Variants in CPNE3 observed in about 807,000 individuals in gnomAD.
CPNE3 encodes copine 3, also known as copine-3.
Under a neutral mutation model 63.9 loss-of-function variants are expected in CPNE3, and 68 were observed. The ratio of observed to expected loss-of-function variants is 1.06; its 90% CI spans 0.87 to 1.30. The LOEUF (loss-of-function observed/expected upper bound fraction) is 1.30. CPNE3 is among the 50% of genes most tolerant of loss of function. The pLI is 0.00. For missense variants in CPNE3, 665 were observed against 578.1 expected, an observed-to-expected ratio of 1.15 and a Z score of -1.54; for synonymous variants, 219 against 197.5, an observed-to-expected ratio of 1.11 and a Z score of -0.91.
chr8:86,543,328 T>C (rs572553469), intron 8 of CPNE3, among the ~76,000 whole-genome samples: 1 of 152,262 alleles, frequency 6.6e-6, no homozygotes, highest in African/African-American at 2.4e-5. Flanking sequence ...CTGTTTTGAT[T>C]GATTGATTTG....
chr8:86,541,069 T>G (rs13270090), intron 8 of CPNE3, among the ~76,000 whole-genome samples: 3 of 151,966 alleles, frequency 2.0e-5, no homozygotes, highest in African/African-American at 7.3e-5. Flanking sequence ...ATGTTCAGAC[T>G]TCAGTCGATC....
chr8:86,532,829 T>C (rs970275059), intron 6 of CPNE3, among the ~76,000 whole-genome samples: 14 of 152,200 alleles, frequency 9.2e-5, no homozygotes, highest in Non-Finnish European at 1.5e-5. Context: ...GCATTAATGT[T>C]ACTGTAAAAG....
intron 10 of CPNE3, 159 bp from the exon 11 acceptor site, chr8:86,547,552 A>T (rs1821079161): frequency 7.1e-6 from 4 of 562,694 alleles, no homozygotes; most frequent in Non-Finnish European, 1.3e-5. Flanking sequence ...TTCATGGCAC[A>T]TAGGGGAAGG....
chr8:86,539,080 C>G (rs535772103), intron 7 of CPNE3, among the ~76,000 whole-genome samples: 22 of 152,108 alleles, frequency 1.4e-4, no homozygotes, highest in Non-Finnish European at 2.6e-4. Flanking sequence ...TCTTTCATCT[C>G]TCTCTTTCTC....
Position 86,531,218 on chromosome 8 carries a change from G to A in CPNE3, c.376G>A (p.Gly126Arg). 8.2e-7 allele frequency: 1 copy of A among 1,213,830 alleles called. No individual in the cohort carries two copies. The highest frequency in any genetic ancestry group is 1.2e-5 in the South Asian group (1 of 83,154). The allele number at this position is 1,213,830 out of a possible 1,614,324, so 75.2% of individuals were successfully genotyped here. ...VMKTGRPAGK[G>R]SITISAEEIK... ...GAAAACTGGCAGACCTGCAGGAAAA[G>A]GGAGCATTACGGTAAAAATAAGATA... Residue 126 changes from glycine to arginine, a missense_variant, in exon 5 of 17, where the codon GGG becomes AGG. Physicochemically the swap from Gly to Arg is moderately radical, Grantham distance 125. Transcript: ENST00000517490.
At chr8:86,518,666 A>C in intron 2 of CPNE3, among the ~76,000 whole-genome samples, 1 of 152,176 alleles carries the variant, frequency 6.6e-6, no homozygotes, top group Admixed American at 6.5e-5. Context: ...CAACTTTAGC[A>C]ACACTGATGT....
At chr8:86,517,710 C>A (rs1237036727) in intron 2 of CPNE3, among the ~76,000 whole-genome samples, 1 of 152,176 alleles carries the variant, frequency 6.6e-6, no homozygotes, top group African/African-American at 2.4e-5. Flanking sequence ...ACCTAATATA[C>A]TATATATGTT....
intron 15 of CPNE3, among the ~76,000 whole-genome samples, 172 bp downstream of exon 15, chr8:86,555,156 A>C (rs16915619): frequency 0.018 from 2,690 of 152,266 alleles, 74 homozygotes; most frequent in African/African-American, 0.062. Flanking sequence ...GATCGTTAAA[A>C]ATAAGACAAC....
At chr8:86,544,206 T>C (rs1444394176) in intron 8 of CPNE3, among the ~76,000 whole-genome samples, 1 of 152,192 alleles carries the variant, frequency 6.6e-6, no homozygotes, top group Admixed American at 6.5e-5. Flanking sequence ...GATGCAAATC[T>C]GGCTTCATCA....
chr8:86,540,415 A>C, intron 8 of CPNE3, 81 bp downstream of exon 8: 1 of 630,910 alleles, frequency 1.6e-6, no homozygotes, highest in Non-Finnish European at 2.4e-6. Flanking sequence ...ATAAGATAGT[A>C]TTTAAAGAAA....
In CPNE3 at chr8:86,551,357, C is replaced by T; in HGVS notation, c.1120+123C>T. 12 of 696,592 alleles carry T rather than the reference C, an allele frequency of 1.7e-5. No homozygotes were observed. The South Asian group carries it at 2.2e-4, about 13-fold the overall frequency. 43.2% of individuals were successfully genotyped at this position (696,592 alleles called of 1,614,324 possible). ...CTACTCAAATTTCATCTCTAGGTTT[C>T]ATTTTCTTACATATTTAACTTTCTG... On this transcript the variant is annotated intron_variant, in intron 14 of 16. Coordinates refer to ENST00000517490, the MANE Select transcript of CPNE3 (RefSeq NM_003909.5).
At position 86,558,487 on chromosome 8, in the gene CPNE3, G is replaced by T; in HGVS notation, c.*77G>T. On this transcript the variant is annotated 3_prime_UTR_variant, in exon 17 of 17. Coordinates refer to ENST00000517490, the MANE Select transcript of CPNE3 (RefSeq NM_003909.5). ...CCAAATCGTGTATCTGTCATTCTAC[G>T]TACTTTTTACCCCCAGCATTTATGA... 1 of 857,254 alleles carries T rather than the reference G, an allele frequency of 1.2e-6. No individual in the cohort carries two copies. Among genetic ancestry groups the T allele is most frequent in the Non-Finnish European group, 2.0e-6 (1 of 489,506 alleles). The allele number at this position is 857,254 out of a possible 1,614,324, so 53.1% of individuals were successfully genotyped here. A position where few individuals can be genotyped will look rare whatever the true frequency, so the allele number is the denominator to read the frequency against.
chr8:86,528,485 C>T, intron 2 of CPNE3, 51 bp from the exon 3 acceptor site: 1 of 1,599,682 alleles, frequency 6.3e-7, no homozygotes, highest in East Asian at 2.2e-5. Context: ...AATGAGTGTG[C>T]TTCTTAAAGG....
At chr8:86,552,407 T>C (rs564973395) in intron 14 of CPNE3, among the ~76,000 whole-genome samples, 24 of 152,304 alleles carry the variant, frequency 1.6e-4, no homozygotes, top group Admixed American at 8.5e-4. Context: ...TGTTATTCTT[T>C]TTAAGAAATA....
intron 2 of CPNE3, among the ~76,000 whole-genome samples, chr8:86,517,802 T>C (rs1203461913): frequency 6.6e-6 from 1 of 152,334 alleles, no homozygotes; most frequent in Non-Finnish European, 1.5e-5. Context: ...GCTTTGTTTA[T>C]TGTTGGCTCT....
intron 11 of CPNE3, 44 bp downstream of exon 11, chr8:86,547,814 T>C (rs778624210): frequency 2.2e-6 from 2 of 890,306 alleles, no homozygotes; most frequent in Admixed American, 1.9e-5. Context: ...TTTTCCTCCA[T>C]GTTGCAGTAT....
chr8:86,521,374 A>G (rs1028318388), intron 2 of CPNE3, among the ~76,000 whole-genome samples: 1 of 152,220 alleles, frequency 6.6e-6, no homozygotes, highest in Admixed American at 6.5e-5. Flanking sequence ...TAAGAACCAT[A>G]TAACTAGTTT....
intron 5 of CPNE3, among the ~76,000 whole-genome samples, chr8:86,532,238 CTCTTGAATAGGGAAGA>C (rs1820698744): frequency 6.6e-6 from 1 of 152,116 alleles, no homozygotes. Context: ...TTTGACATTT[CTCTTGAATAGGGAAGA>C]TCCAATTTGG....
chr8:86,558,126 T>C (rs1821361345), intron 16 of CPNE3, among the ~76,000 whole-genome samples, 162 bp from the exon 17 acceptor site: 1 of 152,198 alleles, frequency 6.6e-6, no homozygotes, highest in South Asian at 2.1e-4. Flanking sequence ...CATTGGCTAG[T>C]TAACTCATTC....
Sources: gnomAD v4.1 joint callset for allele counts (sites outside exome capture counted in the v4.1 genomes callset) on GRCh38, gnomAD v4.1.1 for gene constraint, MANE v1.5 for transcripts, NCBI Gene and HGNC (gene_info 2026-07-23, HGNC 2026-07-21) for gene names.